Variants in KRT8 observed in about 807,000 individuals in gnomAD.
The protein encoded by KRT8 is keratin 8.
Under a neutral mutation model 43.0 loss-of-function variants are expected in KRT8, and 24 were observed. The ratio of observed to expected loss-of-function variants is 0.56; its 90% CI spans 0.40 to 0.78. KRT8 has a LOEUF of 0.78. Ranked by LOEUF, KRT8 falls within the 30% of genes least tolerant of loss-of-function variation. KRT8 has a pLI of 0.00. For missense variants in KRT8, 492 were observed against 638.4 expected (o/e 0.77, Z 2.47); for synonymous variants, 214 against 261.2 (o/e 0.82, Z 1.74).
chr12:52,927,342 G>A lies in KRT8; in HGVS notation c.-47+22114C>T, dbSNP rs550587724. 5.3e-5 allele frequency among the ~76,000 whole-genome samples: 8 copies of A among 152,338 alleles called. No homozygotes were observed. The South Asian group carries it at 1.7e-3, about 32-fold the overall frequency. On this transcript the variant is annotated intron_variant, in intron 2 of 6. Coordinates refer to the KRT8 transcript ENST00000546826. ...GAGAACAGTGAGAGGGTGAAGAGGG[G>A]CCCAGATTCAGTGACTCACCACCCT...
chr12:52,901,671 GT>G (rs1941373241), intron 2 of KRT8, 192 bp downstream of exon 2: 4 of 618,760 alleles, frequency 6.5e-6, no homozygotes, highest in Non-Finnish European at 1.2e-5. Context: ...AAGGGGGTGG[GT>G]ACTATCAACA....
chr12:52,926,326 C>T, intron 2 of KRT8: 2 of 963,360 alleles, frequency 2.1e-6, no homozygotes, highest in South Asian at 2.9e-5. Context: ...CCACCTGGCA[C>T]TAGCTGCCCT....
exon 1 of KRT8, chr12:52,904,944 G>A (rs746423423): frequency 6.2e-7 from 1 of 1,612,102 alleles, no homozygotes; most frequent in Admixed American, 1.7e-5. Flanking sequence ...GCCAGAGGTG[G>A]ACACCTTGTA....
At chr12:52,921,152 T>C (rs1368528749) in intron 2 of KRT8, among the ~76,000 whole-genome samples, 1 of 152,212 alleles carries the variant, frequency 6.6e-6, no homozygotes, top group Non-Finnish European at 1.5e-5. Context: ...CAAGTTCCCA[T>C]GGCAACACAA....
chr12:52,920,593 A>T (rs1941862918), intron 2 of KRT8, among the ~76,000 whole-genome samples: 1 of 151,882 alleles, frequency 6.6e-6, no homozygotes, highest in South Asian at 2.1e-4. Flanking sequence ...GCGAAACTCC[A>T]TCTGAAAAAA....
At chr12:52,938,759 A>G (rs1942220266) in intron 2 of KRT8, among the ~76,000 whole-genome samples, 1 of 152,100 alleles carries the variant, frequency 6.6e-6, no homozygotes, top group Non-Finnish European at 1.5e-5. Context: ...CTGGGACTAC[A>G]GGTGCCTGCC....
chr12:52,918,192 A>AGAAGAAGAAGAG (rs1565725618), intron 2 of KRT8, among the ~76,000 whole-genome samples: 6 of 124,266 alleles, frequency 4.8e-5, no homozygotes, highest in African/African-American at 2.0e-4. Context: ...AAGAAGAAGA[A>AGAAGAAGAAGAG]GAAGAAGAAG....
At chr12:52,922,840 C>G (rs1941097113) in intron 2 of KRT8, among the ~76,000 whole-genome samples, 1 of 152,210 alleles carries the variant, frequency 6.6e-6, no homozygotes, top group Non-Finnish European at 1.5e-5. Context: ...CAAAGTTTAG[C>G]TTCCCAGTCC....
chr12:52,897,690 T>C, intron 7 of KRT8, 72 bp from the exon 8 acceptor site: 3 of 1,592,172 alleles, frequency 1.9e-6, no homozygotes, highest in Non-Finnish European at 2.6e-6. Flanking sequence ...CCCTTCTCCC[T>C]GCTCATTCCC....
At chr12:52,949,342 G>T (rs753674663) in intron 2 of KRT8, 1 of 1,610,708 alleles carries the variant, frequency 6.2e-7, no homozygotes, top group Non-Finnish European at 8.5e-7. Context: ...CTTCAGGGGC[G>T]GCATGGGGTC....
Position 52,897,585 on chromosome 12 carries a change from C to T in KRT8, c.1295G>A (p.Ser432Asn), listed in dbSNP as rs368416032. Residue 432 changes from serine to asparagine, a missense_variant, in exon 8 of 8, where the codon AGC becomes AAC. Physicochemically the swap from Ser to Asn is conservative, Grantham distance 46. This residue lies in a region of KRT8 where 389 missense variants were observed against 485.7 expected (regional missense o/e 0.80). Transcript: ENST00000692008. Reference sequence around the variant, plus strand: ...GCCCAGGCTGTAGCTGAGGCCGGGGCTTGTGAGGCCCCCATAGGCCGAGCT... The same window carrying T: ...GCCCAGGCTGTAGCTGAGGCCGGGGTTTGTGAGGCCCCCATAGGCCGAGCT... The T allele has an allele frequency of 6.8e-5, 108 of 1,598,224 alleles. No individual in the cohort carries two copies. The African/African-American group carries it at 1.4e-3, about 20-fold the overall frequency.
In KRT8 at chr12:52,899,682, T is replaced by C. The variant is rs1855345785; in HGVS notation, c.981+93A>G. The C allele has an allele frequency of 1.5e-5, 18 of 1,168,012 alleles. No individual in the cohort carries two copies. The South Asian group carries it at 2.2e-4, about 15-fold the overall frequency. The allele number at this position is 1,168,012 out of a possible 1,614,324, so 72.4% of individuals were successfully genotyped here. A position where few individuals can be genotyped will look rare whatever the true frequency, so the allele number is the denominator to read the frequency against. On this transcript the variant is annotated intron_variant, in intron 5 of 7. Transcript: ENST00000692008. The stretch of plus-strand genomic sequence containing the variant: ...TCCTGAACCCTGGTCTAGGATTCCT[T>C]CCCCGACTCCCAGAAACTTCACTCT...
At chr12:52,926,766 T>C (rs187807400) in intron 2 of KRT8, among the ~76,000 whole-genome samples, 1 of 152,218 alleles carries the variant, frequency 6.6e-6, no homozygotes, top group East Asian at 1.9e-4. Flanking sequence ...AATCCAAGGC[T>C]CTAAGAAGTA....
At chr12:52,917,821 A>G (rs1305263280) in intron 2 of KRT8, among the ~76,000 whole-genome samples, 1 of 151,844 alleles carries the variant, frequency 6.6e-6, no homozygotes, top group Non-Finnish European at 1.5e-5. Context: ...CATAGGTTGC[A>G]GTGAGCTGAG....
At chr12:52,936,512 TTTG>T (rs549527711) in intron 2 of KRT8, among the ~76,000 whole-genome samples, 2 of 152,094 alleles carry the variant, frequency 1.3e-5, no homozygotes, top group African/African-American at 4.8e-5. Flanking sequence ...TTCTGTTGTT[TTTG>T]TTGTTGTTGT....
At position 52,927,462 on chromosome 12, in the gene KRT8, G is replaced by A. The variant is rs539511421; in HGVS notation, c.-47+21994C>T. Among the ~76,000 whole-genome samples the A allele has an allele frequency of 2.6e-5, 4 of 152,360 alleles. No homozygotes were observed. The South Asian group carries it at 6.2e-4, about 24-fold the overall frequency. ...TTGGGTGTTAGGAGGCTGAACAGGA[G>A]GAGGAAGAGCTCTGTTTGTCCCAAA... On this transcript the variant is annotated intron_variant, in intron 2 of 6. Coordinates refer to the KRT8 transcript ENST00000546826.
rs750416085 is a variant in KRT8, at chr12:52,899,955, G to A, written c.801C>T (p.Tyr267=). 2.4e-5 allele frequency: 38 copies of A among 1,613,362 alleles called. No individual in the cohort carries two copies. In the East Asian group the frequency reaches 3.8e-4, roughly 16 times the overall value. ...CCCGGCTGCGGTTGGCAATATCCTC[G>A]TACTGTGCCTTGACCTCAGCAATGA... The change falls in exon 5 of 8, where the codon TAC becomes TAT. Residue 267 remains tyrosine (Y), a synonymous_variant. Coordinates refer to ENST00000692008, the Ensembl canonical transcript of KRT8.
chr12:52,946,921 C>T (rs1565735896), intron 2 of KRT8: 2 of 152,424 alleles, frequency 1.3e-5, no homozygotes, highest in Admixed American at 1.3e-4. Context: ...ACAATCCAGG[C>T]TCAGGCTCTT....
At chr12:52,906,251 G>C (rs186458741), upstream of KRT8, among the ~76,000 whole-genome samples, 13 of 152,170 alleles carry the variant, frequency 8.5e-5, no homozygotes, top group Non-Finnish European at 1.5e-4. Flanking sequence ...CAGGGGTTGG[G>C]GGGGGCAAGA....
Sources: gnomAD v4.1 joint callset for allele counts (sites outside exome capture counted in the v4.1 genomes callset) on GRCh38, gnomAD v4.1.1 for gene constraint, gnomAD v4.1.1 regional missense constraint, MANE v1.5 for transcripts, NCBI Gene and HGNC (gene_info 2026-07-23, HGNC 2026-07-21) for gene names.